COPZ2: variants seen among roughly 807,000 people sequenced by gnomAD.
The protein encoded by COPZ2 is coatomer subunit zeta-2.
A neutral mutation model predicts 33.2 loss-of-function variants in COPZ2; 30 were observed. That is an observed-to-expected ratio of 0.90 (90% CI 0.68 to 1.23). The LOEUF (loss-of-function observed/expected upper bound fraction) is 1.23, where lower values mean the gene tolerates loss of function less well. COPZ2 is among the 50% of genes most tolerant of loss of function. The pLI is 0.00. For synonymous variants in COPZ2, 89 were observed against 102.6 expected, an observed-to-expected ratio of 0.87 and a Z score of 0.80; for missense variants, 263 against 262.4, an observed-to-expected ratio of 1.00 and a Z score of -0.02.
chr17:48,031,635 C>G (rs1320466578), intron 6 of COPZ2: 1 of 154,506 alleles, frequency 6.5e-6, no homozygotes. Context: ...ATGAGAACCA[C>G]AAGCTTCACA....
intron 5 of COPZ2, 92 bp downstream of exon 5, chr17:48,032,594 T>G (rs1336538635): frequency 9.8e-7 from 1 of 1,018,510 alleles, no homozygotes; most frequent in Non-Finnish European, 1.5e-6. Context: ...CTTAGTCTTG[T>G]GGGGACTTCA....
At chr17:48,033,103 A>G (rs7209072) in intron 4 of COPZ2, 108 bp downstream of exon 4, 63,177 of 755,698 alleles carry the variant, frequency 0.084, 3,345 homozygotes, top group African/African-American at 0.19. Flanking sequence ...AGCCTAAAAG[A>G]AGGGGTCCAA....
At chr17:48,033,356 C>A (rs1263772489) in intron 3 of COPZ2, 54 bp from the exon 4 acceptor site, 17 of 989,252 alleles carry the variant, frequency 1.7e-5, no homozygotes, top group Non-Finnish European at 2.7e-5. Context: ...CCTAGCCTAG[C>A]CCCTCCTCCT....
chr17:48,044,337 T>TC, the COPZ2 span, among the ~76,000 whole-genome samples: 3 of 145,146 alleles, frequency 2.1e-5, no homozygotes, highest in Admixed American at 1.4e-4. Context: ...ACAGAGCGAC[T>TC]CCATCTCAAA....
upstream of COPZ2, among the ~76,000 whole-genome samples, chr17:48,040,059 T>C (rs376874002): frequency 0.11 from 15,994 of 150,676 alleles, 1,107 homozygotes; most frequent in African/African-American, 0.19. Flanking sequence ...GAGGTGGAGG[T>C]TGCAGTGACC....
At chr17:48,039,420 T>C (rs2144320973), upstream of COPZ2, among the ~76,000 whole-genome samples, 1 of 149,628 alleles carries the variant, frequency 6.7e-6, no homozygotes, top group East Asian at 2.0e-4. Flanking sequence ...TGCAGAGCCA[T>C]GATCATGCCA....
At position 48,037,253 on chromosome 17, in the gene COPZ2, C is replaced by T. The variant is rs1347939480; in HGVS notation, c.112-328G>A. 6.8e-6 allele frequency: 4 copies of T among 587,640 alleles called. No individual in the cohort carries two copies. The highest frequency in any genetic ancestry group is 1.3e-5 in the Non-Finnish European group (4 of 304,914). The allele number at this position is 587,640 out of a possible 1,614,324, so 36.4% of individuals were successfully genotyped here. A position where few individuals can be genotyped will look rare whatever the true frequency, so the allele number is the denominator to read the frequency against. ...AACCTGGGCCGGGGGGGACAGCGGG[C>T]CGAGCCTCCTTCTTCCAGCTGATCC... On this transcript the variant is annotated intron_variant, in intron 1 of 8. Transcript: ENST00000621465. This position sits in a 1 kb window ranked among gnomAD's most constrained non-coding sequence, Gnocchi z 5.6.
In COPZ2 at chr17:48,036,742, G is replaced by A. The variant is rs2144314432; in HGVS notation, c.186+109C>T. The A allele has an allele frequency of 4.0e-6, 4 of 1,010,336 alleles. No homozygotes were observed. The East Asian group carries it at 7.7e-5, about 19-fold the overall frequency. The allele number at this position is 1,010,336 out of a possible 1,614,324, so 62.6% of individuals were successfully genotyped here. On this transcript the variant is annotated intron_variant, in intron 2 of 8. Transcript: ENST00000621465. ...GAGGATGAGAAGGACCTCTGGAGGG[G>A]TCTAAGCTGAGCTGCCCTGAGTCAC...
upstream of COPZ2, among the ~76,000 whole-genome samples, chr17:48,038,522 C>T (rs1048950041): frequency 6.6e-6 from 1 of 152,188 alleles, no homozygotes; most frequent in Non-Finnish European, 1.5e-5. Flanking sequence ...GTTAGTGCTA[C>T]GTATGCATTT....
Position 48,033,718 on chromosome 17 carries a change from ACAG to A in COPZ2, c.268+142_268+144del. Reference sequence around the variant, plus strand: ...GTTCCCTGGAGGAAGGGAGTGGAGAACAGCAGGGAAGGAGAGGACAAAAAGCCT... The same window carrying A: ...GTTCCCTGGAGGAAGGGAGTGGAGAACAGGGAAGGAGAGGACAAAAAGCCT... On this transcript the variant is annotated intron_variant, in intron 3 of 8. Coordinates refer to ENST00000621465, the MANE Select transcript of COPZ2 (RefSeq NM_016429.4). The A allele has an allele frequency of 4.6e-6, 3 of 651,310 alleles. No individual in the cohort carries two copies. In the South Asian group the frequency reaches 5.3e-5, roughly 11 times the overall value. 40.3% of individuals were successfully genotyped at this position (651,310 alleles called of 1,614,324 possible). A position where few individuals can be genotyped will look rare whatever the true frequency, so the allele number is the denominator to read the frequency against.
intron 2 of COPZ2, 107 bp downstream of exon 2, chr17:48,036,744 C>T (rs775322127): frequency 2.8e-6 from 3 of 1,066,228 alleles, no homozygotes; most frequent in East Asian, 5.1e-5. Context: ...CTGGAGGGGT[C>T]TAAGCTGAGC....
chr17:48,031,913 C>T, intron 6 of COPZ2: 1 of 567,500 alleles, frequency 1.8e-6, no homozygotes, highest in Non-Finnish European at 3.2e-6. Context: ...CAACAGTCTC[C>T]CATAGTTTGA....
rs147001241 is a variant in COPZ2, at chr17:48,026,267, C to T, written c.*161G>A. 4.1e-4 allele frequency: 257 copies of T among 620,928 alleles called. No individual in the cohort carries two copies. In the East Asian group the frequency reaches 5.7e-3, roughly 14 times the overall value. The allele number at this position is 620,928 out of a possible 1,614,324, so 38.5% of individuals were successfully genotyped here. On this transcript the variant is annotated 3_prime_UTR_variant, in exon 9 of 9. Coordinates refer to ENST00000621465, the MANE Select transcript of COPZ2 (RefSeq NM_016429.4). ...GTGAGAAAAGGTGACTCTCCTGAGGCCAAACCTTTGCATCTCAGAAGCCCT... is the reference window on the plus strand; with the variant it reads ...GTGAGAAAAGGTGACTCTCCTGAGGTCAAACCTTTGCATCTCAGAAGCCCT...
At chr17:48,033,769 T>C in intron 3 of COPZ2, 94 bp downstream of exon 3, 1 of 939,318 alleles carries the variant, frequency 1.1e-6, no homozygotes. Context: ...AAATGGCCTG[T>C]GGGTGTGCAA....
upstream of COPZ2, among the ~76,000 whole-genome samples, chr17:48,039,581 G>A (rs1251846842): frequency 1.3e-5 from 2 of 152,036 alleles, no homozygotes; most frequent in Non-Finnish European, 2.9e-5. Context: ...GGCTGGTCTT[G>A]AACGCCTAGG....
At chr17:48,029,228 C>T (rs1476769280) in intron 6 of COPZ2, 52 bp from the exon 7 acceptor site, 18 of 1,504,476 alleles carry the variant, frequency 1.2e-5, no homozygotes, top group Non-Finnish European at 1.6e-5. Flanking sequence ...CAATCCTCCC[C>T]TCCGCCCCTT....
chr17:48,029,780 C>G (rs1276298119), intron 6 of COPZ2, among the ~76,000 whole-genome samples: 1 of 151,502 alleles, frequency 6.6e-6, no homozygotes, highest in African/African-American at 2.4e-5. Flanking sequence ...ACCAGCCTGG[C>G]CAACATGGCG....
At chr17:48,027,955 GC>G (rs2036840111) in intron 8 of COPZ2, among the ~76,000 whole-genome samples, 2 of 152,152 alleles carry the variant, frequency 1.3e-5, no homozygotes, top group African/African-American at 4.8e-5. Flanking sequence ...TTCTTCCATA[GC>G]CAGGTCACTC....
At chr17:48,033,619 C>T (rs1253702876) in intron 3 of COPZ2, among the ~76,000 whole-genome samples, 1 of 152,162 alleles carries the variant, frequency 6.6e-6, no homozygotes, top group African/African-American at 2.4e-5. Context: ...AGTTGGCCTC[C>T]TCAGCTAGAG....
Sources: gnomAD v4.1 joint callset for allele counts (sites outside exome capture counted in the v4.1 genomes callset) on GRCh38, gnomAD v4.1.1 for gene constraint, Gnocchi (gnomAD v3.1) non-coding constraint, MANE v1.5 for transcripts, NCBI Gene and HGNC (gene_info 2026-07-23, HGNC 2026-07-21) for gene names.